The following GRIPAP1 variants were observed in gnomAD, a reference collection of about 807,000 sequenced individuals.
The protein encoded by GRIPAP1 is GRIP1-associated protein 1.
GRIPAP1 carries 14 observed loss-of-function variants against 84.1 expected under a neutral mutation model. That is an observed-to-expected ratio of 0.17 (90% CI 0.11 to 0.26). The LOEUF (loss-of-function observed/expected upper bound fraction) is 0.26. Among genes scored for constraint, GRIPAP1 ranks in the 10% least tolerant of loss-of-function variants. GRIPAP1 has a pLI of 1.00. For synonymous variants in GRIPAP1, 261 were observed against 256.8 expected (o/e 1.02, Z -0.15); for missense variants, 518 against 674.2 (o/e 0.77, Z 2.57).
At chrX:48,977,338 AT>A (rs2064428322) in intron 22 of GRIPAP1, 1 of 107,608 alleles carries the variant, frequency 9.3e-6, no homozygotes, top group African/African-American at 3.4e-5. Flanking sequence ...TTATTTATTT[AT>A]TTTTTGAGAT....
At chrX:48,999,116 C>T (rs142454099) in intron 3 of GRIPAP1, 122 bp downstream of exon 3, 32 of 454,650 alleles carry the variant, frequency 7.0e-5, no homozygotes, top group African/African-American at 5.6e-4. Flanking sequence ...TAAATGACTA[C>T]GTGAAAACAG....
At chrX:48,978,927 G>GAAAGAGC (rs1166795240) in intron 21 of GRIPAP1, among the ~76,000 whole-genome samples, 2 of 106,956 alleles carry the variant, frequency 1.9e-5, no homozygotes, top group Non-Finnish European at 1.9e-5. Flanking sequence ...AGAAAGAAAA[G>GAAAGAGC]AAAGAGCTGC....
In GRIPAP1 at chrX:48,993,592, G is replaced by A. The variant is rs1557066103; in HGVS notation, c.307-14C>T. On this transcript the variant is annotated splice_polypyrimidine_tract_variant and intron_variant, in intron 5 of 25. Transcript: ENST00000376423. ...CTGGCTGCAGAGCTGAACAGAGGAA[G>A]AGAAGGGGCAGAGAAGCAGAGAATC... 3.6e-6 allele frequency: 4 copies of A among 1,115,319 alleles called. No homozygotes were observed. The highest frequency in any genetic ancestry group is 4.7e-6 in the Non-Finnish European group (4 of 843,498). The allele number at this position is 1,115,319 out of a possible 1,213,427, so 91.9% of individuals were successfully genotyped here.
intron 7 of GRIPAP1, 53 bp downstream of exon 7, chrX:48,990,873 T>C (rs1431658188): frequency 5.8e-6 from 6 of 1,043,099 alleles, no homozygotes; most frequent in South Asian, 2.1e-5. Context: ...TAGACAGAGG[T>C]AGAACATCTG....
chrX:48,986,009 G>A (rs1557063638), intron 13 of GRIPAP1, among the ~76,000 whole-genome samples: 2 of 110,950 alleles, frequency 1.8e-5, no homozygotes, highest in South Asian at 3.8e-4. Context: ...CTGGGAGGCC[G>A]AGGCGGGTGG....
chrX:48,995,956 A>G (rs1330128028), intron 5 of GRIPAP1, among the ~76,000 whole-genome samples: 4 of 112,004 alleles, frequency 3.6e-5, no homozygotes. Flanking sequence ...GGATAATATT[A>G]TAACTAATGC....
intron 25 of GRIPAP1, among the ~76,000 whole-genome samples, chrX:48,974,728 T>C (rs1210794618): frequency 9.0e-6 from 1 of 111,665 alleles, no homozygotes; most frequent in African/African-American, 3.3e-5. Flanking sequence ...GGTGGACGAA[T>C]GAATTGTCCA....
chrX:49,001,360 C>A (rs1232364362), intron 1 of GRIPAP1, among the ~76,000 whole-genome samples: 1 of 102,124 alleles, frequency 9.8e-6, no homozygotes, highest in Non-Finnish European at 2.0e-5. Context: ...GTTCAGACCC[C>A]CCCCCCAGTG....
At chrX:48,999,196 A>G (rs1557067632) in intron 3 of GRIPAP1, 42 bp downstream of exon 3, 5 of 1,044,417 alleles carry the variant, frequency 4.8e-6, no homozygotes, top group Non-Finnish European at 6.7e-6. Flanking sequence ...AGGTAGAAGC[A>G]AGGGTGGATG....
intron 1 of GRIPAP1, 47 bp from the exon 2 acceptor site, chrX:48,999,551 C>A: frequency 1.0e-6 from 1 of 955,667 alleles, no homozygotes; most frequent in Non-Finnish European, 1.5e-6. Flanking sequence ...GAAAGCGCCC[C>A]TACCCCTACC....
chrX:48,975,117 T>C, intron 25 of GRIPAP1, 38 bp downstream of exon 25: 1 of 1,184,967 alleles, frequency 8.4e-7, no homozygotes, highest in South Asian at 1.9e-5. Context: ...GGCAGGTGGC[T>C]GGGTGAACAG....
chrX:48,994,803 C>A (rs1252886828), intron 5 of GRIPAP1, among the ~76,000 whole-genome samples: 4 of 111,933 alleles, frequency 3.6e-5, no homozygotes, highest in African/African-American at 1.3e-4. Flanking sequence ...ATTACTTAAT[C>A]TCCCTGGAAC....
At chrX:48,997,425 C>T (rs1412042222) in intron 4 of GRIPAP1, 68 bp from the exon 5 acceptor site, 2 of 609,168 alleles carry the variant, frequency 3.3e-6, no homozygotes, top group Non-Finnish European at 5.4e-6. Flanking sequence ...GGCAAAGAAA[C>T]AGAGAGAGGG....
intron 6 of GRIPAP1, among the ~76,000 whole-genome samples, chrX:48,991,795 G>A (rs1441881340): frequency 9.0e-6 from 1 of 110,665 alleles, no homozygotes; most frequent in East Asian, 3.0e-4. Context: ...AGCCGCGATC[G>A]AGCCATTGCA....
rs1384695058 is a variant in GRIPAP1, at chrX:48,987,887, C to T, written c.949-10G>A. 1.5e-5 allele frequency: 17 copies of T among 1,161,159 alleles called. No homozygotes were observed. The highest frequency in any genetic ancestry group is 2.0e-5 in the Non-Finnish European group (17 of 856,150). On this transcript the variant is annotated splice_polypyrimidine_tract_variant and intron_variant, in intron 12 of 25. Coordinates refer to ENST00000376423, the MANE Select transcript of GRIPAP1 (RefSeq NM_020137.5). ...CACTCTGGATGGATACCTGGCCCCA[C>T]GTCCACAGCAGGTGAGAGTGGGTCC...
Position 48,981,707 on chromosome X carries a change from C to A in GRIPAP1, c.1678-16G>T. 1 of 1,186,374 alleles carries A rather than the reference C, an allele frequency of 8.4e-7. No individual in the cohort carries two copies. The highest frequency in any genetic ancestry group is 1.1e-6 in the Non-Finnish European group (1 of 872,414). On this transcript the variant is annotated splice_polypyrimidine_tract_variant and intron_variant, in intron 18 of 25. Transcript: ENST00000376423. ...CCTCCTTGCCCTGCAAAGCAGAAAG[C>A]AGCTTAGGCATTGGCTTGGGAAGCC...
intron 12 of GRIPAP1, 32 bp from the exon 13 acceptor site, chrX:48,987,909 G>A (rs2064499639): frequency 2.0e-6 from 2 of 1,024,760 alleles, no homozygotes; most frequent in Non-Finnish European, 2.7e-6. Context: ...GTGAGAGTGG[G>A]TCCAGAACAG....
Position 48,983,109 on chromosome X carries a change from T to A in GRIPAP1, c.1486-17A>T. On this transcript the variant is annotated splice_polypyrimidine_tract_variant and intron_variant, in intron 16 of 25. Transcript: ENST00000376423. ...TGTCCGGGCCTGGGATGGGGCAGAC[T>A]GTCATGGGCCAGGAAGGCAGAGGAG... The A allele has an allele frequency of 8.7e-7, 1 of 1,154,032 alleles. No homozygotes were observed.
intron 13 of GRIPAP1, among the ~76,000 whole-genome samples, chrX:48,986,365 T>C (rs1437808314): frequency 2.7e-5 from 3 of 110,070 alleles, no homozygotes; most frequent in African/African-American, 9.9e-5. Flanking sequence ...CTGGGTAACA[T>C]AGTGAGACCC....
Sources: allele counts gnomAD v4.1 joint callset (sites outside exome capture counted in the v4.1 genomes callset), GRCh38; gene constraint gnomAD v4.1.1; transcripts MANE v1.5; gene names NCBI Gene and HGNC (gene_info 2026-07-23, HGNC 2026-07-21).